Variants in POU6F2 observed in about 807,000 individuals in gnomAD.
POU6F2 encodes POU domain, class 6, transcription factor 2.
In POU6F2, 31 loss-of-function variants were observed where a neutral mutation model predicts 71.3. That is an observed-to-expected ratio of 0.43 (90% CI 0.33 to 0.59). The LOEUF (loss-of-function observed/expected upper bound fraction) is 0.59. POU6F2 is among the 20% of genes least tolerant of loss of function. The probability of loss-of-function intolerance (pLI) is 0.04; values close to 1 mark genes in which losing one functional copy is unlikely to be tolerated. For missense variants in POU6F2, 783 were observed against 856.8 expected (o/e 0.91, Z 1.07); for synonymous variants, 347 against 355.7 (o/e 0.98, Z 0.27).
At chr7:39,169,171 A>G (rs1793168510) in intron 2 of POU6F2, among the ~76,000 whole-genome samples, 1 of 152,216 alleles carries the variant, frequency 6.6e-6, no homozygotes, top group African/African-American at 2.4e-5. Flanking sequence ...ATTTTGTTCA[A>G]ACAACTGTAC....
intron 2 of POU6F2, among the ~76,000 whole-genome samples, chr7:39,141,342 G>A (rs142344995): frequency 6.6e-6 from 1 of 152,190 alleles, no homozygotes; most frequent in Admixed American, 6.5e-5. Flanking sequence ...GGGAGTTTGG[G>A]GGAAATAGAT....
rs1046398471 is a variant in POU6F2, at chr7:39,289,959, C to T, written c.599-49683C>T. Among the ~76,000 whole-genome samples the T allele has an allele frequency of 2.0e-5, 3 of 152,208 alleles. No homozygotes were observed. In the East Asian group the frequency reaches 5.8e-4, roughly 29 times the overall value. On this transcript the variant is annotated intron_variant, in intron 4 of 9. Transcript: ENST00000518318. ...TCAGACGGACTTGGGCCTCAGTTCT[C>T]ACCACCCAGTGACATTTACAAAGAA...
At chr7:39,318,142 G>A (rs1057019337) in intron 4 of POU6F2, among the ~76,000 whole-genome samples, 1 of 152,044 alleles carries the variant, frequency 6.6e-6, no homozygotes, top group African/African-American at 2.4e-5. Flanking sequence ...TAATTTACAG[G>A]CCAGCTACAT....
Position 39,326,017 on chromosome 7 carries a change from CA to C in POU6F2, c.599-13623del, listed in dbSNP as rs1277730116. On this transcript the variant is annotated intron_variant, in intron 4 of 9. Transcript: ENST00000518318. ...AAAATATCCCTGGAAAACCCATGCT[CA>C]ATAAATGTTAGCTCTAATTTTAAAC... Among the ~76,000 whole-genome samples, 3 of 152,154 alleles carry C rather than the reference CA, an allele frequency of 2.0e-5. No individual in the cohort carries two copies. In the East Asian group the frequency reaches 5.8e-4, roughly 29 times the overall value.
chr7:39,328,519 A>T (rs1343285032), intron 4 of POU6F2, among the ~76,000 whole-genome samples: 1 of 152,218 alleles, frequency 6.6e-6, no homozygotes, highest in African/African-American at 2.4e-5. Flanking sequence ...ATCTCAGCCT[A>T]TGGCAAGAAA....
chr7:39,139,610 G>T (rs62442227), intron 2 of POU6F2, among the ~76,000 whole-genome samples: 1 of 152,074 alleles, frequency 6.6e-6, no homozygotes, highest in Non-Finnish European at 1.5e-5. Flanking sequence ...GCCACGATTT[G>T]TGCTAGATTC....
At chr7:39,371,381 A>G (rs761042578) in intron 5 of POU6F2, among the ~76,000 whole-genome samples, 1 of 152,074 alleles carries the variant, frequency 6.6e-6, no homozygotes, top group South Asian at 2.1e-4. Context: ...AGGTTTCACC[A>G]TGTTGGTCAG....
chr7:39,370,330 A>G (rs908027986), intron 5 of POU6F2, among the ~76,000 whole-genome samples: 1 of 152,214 alleles, frequency 6.6e-6, no homozygotes, highest in Non-Finnish European at 1.5e-5. Flanking sequence ...ATAAGAGAAC[A>G]TAGTAAAGGA....
At chr7:38,991,288 G>A (rs550244271) in intron 1 of POU6F2, among the ~76,000 whole-genome samples, 1 of 151,872 alleles carries the variant, frequency 6.6e-6, no homozygotes, top group Non-Finnish European at 1.5e-5. Context: ...GAGTTTCAAG[G>A]GACAATAAAT....
chr7:39,221,303 C>G (rs1430322413), intron 4 of POU6F2, among the ~76,000 whole-genome samples: 1 of 151,548 alleles, frequency 6.6e-6, no homozygotes, highest in Non-Finnish European at 1.5e-5. Flanking sequence ...TTTGTAGGCT[C>G]TCTGCCATAG....
At chr7:39,114,089 A>G (rs1791878569) in intron 2 of POU6F2, among the ~76,000 whole-genome samples, 1 of 152,222 alleles carries the variant, frequency 6.6e-6, no homozygotes, top group Non-Finnish European at 1.5e-5. Flanking sequence ...GAATCCATGC[A>G]TGTACCTATA....
chr7:39,032,509 A>C (rs901950147), intron 1 of POU6F2, among the ~76,000 whole-genome samples: 3 of 152,234 alleles, frequency 2.0e-5, no homozygotes, highest in African/African-American at 4.8e-5. Context: ...TTGCCATGCC[A>C]GTTATCTTGT....
At chr7:39,034,554 T>C (rs888843730) in intron 1 of POU6F2, 3 of 373,384 alleles carry the variant, frequency 8.0e-6, no homozygotes, top group Admixed American at 2.7e-5. Context: ...TTGGGTTCGC[T>C]CTGGGCTTTG....
chr7:39,097,881 G>T (rs1433835846), intron 2 of POU6F2, among the ~76,000 whole-genome samples: 1 of 152,136 alleles, frequency 6.6e-6, no homozygotes. Flanking sequence ...AGCTTTTTAG[G>T]CAATTTTAAG....
intron 5 of POU6F2, among the ~76,000 whole-genome samples, chr7:39,391,652 G>GATGGCAAC (rs1245298244): frequency 1.3e-5 from 2 of 152,158 alleles, no homozygotes; most frequent in African/African-American, 4.8e-5. Context: ...TGTCAACAGA[G>GATGGCAAC]ATGGCAACCC....
intron 6 of POU6F2, among the ~76,000 whole-genome samples, chr7:39,416,093 TACACACACAC>T (rs57579748): frequency 0.033 from 4,588 of 139,286 alleles, 83 homozygotes; most frequent in Non-Finnish European, 0.043. Flanking sequence ...CTCGAAGGCA[TACACACACAC>T]ACACACACAC....
At chr7:39,089,953 C>T (rs527316442) in intron 2 of POU6F2, among the ~76,000 whole-genome samples, 28 of 151,692 alleles carry the variant, frequency 1.8e-4, no homozygotes, top group African/African-American at 5.3e-4. Flanking sequence ...TCTCGGTGGC[C>T]GGCTTCTCAG....
At chr7:39,066,690 C>T (rs1193256236) in intron 1 of POU6F2, among the ~76,000 whole-genome samples, 1 of 150,914 alleles carries the variant, frequency 6.6e-6, no homozygotes, top group Admixed American at 6.6e-5. Flanking sequence ...TTGATGGTAA[C>T]ACTGAATATT....
intron 2 of POU6F2, among the ~76,000 whole-genome samples, chr7:39,164,948 A>G (rs1793081114): frequency 6.6e-6 from 1 of 151,870 alleles, no homozygotes; most frequent in Non-Finnish European, 1.5e-5. Flanking sequence ...CACTTTTCCT[A>G]TTCATTAATA....
Sources: allele counts gnomAD v4.1 joint callset (sites outside exome capture counted in the v4.1 genomes callset), GRCh38; gene constraint gnomAD v4.1.1; transcripts MANE v1.5; gene names NCBI Gene and HGNC (gene_info 2026-07-23, HGNC 2026-07-21).